LYRM1: variants seen among roughly 807,000 people sequenced by gnomAD.
The protein encoded by LYRM1 is LYR motif containing 1, also known as LYR motif-containing protein 1.
Under a neutral mutation model 14.9 loss-of-function variants are expected in LYRM1, and 14 were observed. That is an observed-to-expected ratio of 0.94 (90% confidence interval 0.62 to 1.47). The LOEUF is 1.47. Ranked by LOEUF, LYRM1 falls within the 40% of genes most tolerant of loss-of-function variation. The pLI is 0.00. For missense variants in LYRM1, 153 were observed against 149.9 expected (o/e 1.02, Z -0.11); for synonymous variants, 43 against 56.2 (o/e 0.77, Z 1.05).
rs1161355802 is a variant in LYRM1, at chr16:20,914,278, T to G, written c.1-1278T>G. ...TTTGTTTGGCCTGTACAGTCGTCAC[T>G]TTTTTTTTTTTTTTTTTTTTTCTTT... On this transcript the variant is annotated intron_variant, in intron 1 of 3. Transcript: ENST00000567954. Among the ~76,000 whole-genome samples, 119 of 17,566 alleles carry G rather than the reference T, an allele frequency of 6.8e-3. 3 individuals carry two copies. In the South Asian group the frequency reaches 0.17, roughly 25 times the overall value. 11.5% of individuals were successfully genotyped at this position (17,566 alleles called of 152,430 possible). A position where few individuals can be genotyped will look rare whatever the true frequency, so the allele number is the denominator to read the frequency against.
intron 1 of LYRM1, among the ~76,000 whole-genome samples, chr16:20,913,089 ATAATAATAAT>A (rs1414926266): frequency 6.7e-6 from 1 of 149,810 alleles, no homozygotes; most frequent in African/African-American, 2.4e-5. Context: ...AATAATAATA[ATAATAATAAT>A]TAAATAAATA....
At chr16:20,911,439 C>T (rs1393605250) in intron 1 of LYRM1, among the ~76,000 whole-genome samples, 2 of 152,160 alleles carry the variant, frequency 1.3e-5, no homozygotes, top group African/African-American at 2.4e-5. Flanking sequence ...TATGCCTTTC[C>T]CTCCATAAGT....
rs1182343852 is a variant in LYRM1 at position 20,901,505 on chromosome 16, G to A, written c.-1+616G>A. ...AGGCCACGGTTTTGCGGGGATCCGA[G>A]ACAATGGGTTTTCTGGGTGGAGAGA... On this transcript the variant is annotated intron_variant, in intron 1 of 3. Transcript: ENST00000567954. The surrounding 1 kb of genome is among the most constrained non-coding windows in gnomAD (Gnocchi z 4.6). 6.6e-6 allele frequency among the ~76,000 whole-genome samples: 1 copy of A among 152,212 alleles called. No homozygotes were observed. Among genetic ancestry groups the A allele is most frequent in the Non-Finnish European group, 1.5e-5 (1 of 68,052 alleles).
intron 1 of LYRM1, among the ~76,000 whole-genome samples, chr16:20,914,186 T>A (rs1450110772): frequency 6.6e-6 from 1 of 151,984 alleles, no homozygotes; most frequent in African/African-American, 2.4e-5. Flanking sequence ...TCCAAAAAGG[T>A]TGTGACAGAC....
At chr16:20,912,990 T>C (rs939009507) in intron 1 of LYRM1, among the ~76,000 whole-genome samples, 5 of 151,594 alleles carry the variant, frequency 3.3e-5, no homozygotes, top group Non-Finnish European at 7.4e-5. Flanking sequence ...CACTTGAACC[T>C]GGGAGGCGGA....
At chr16:20,915,760 T>TA (rs1567458527) in intron 2 of LYRM1, 46 bp downstream of exon 2, 1 of 1,587,890 alleles carries the variant, frequency 6.3e-7, no homozygotes. Context: ...AGTTGTTCCT[T>TA]ATGATATTTG....
At chr16:20,903,055 T>C (rs999798938) in intron 1 of LYRM1, among the ~76,000 whole-genome samples, 11 of 152,316 alleles carry the variant, frequency 7.2e-5, no homozygotes, top group African/African-American at 2.4e-4. Flanking sequence ...AGAGTGGCCA[T>C]GGATAAAGCT....
At chr16:20,921,024 TTA>T (rs1354887106) in intron 3 of LYRM1, among the ~76,000 whole-genome samples, 8 of 151,958 alleles carry the variant, frequency 5.3e-5, no homozygotes, top group South Asian at 2.1e-4. Context: ...GTATATAAAT[TTA>T]TGTTTTCTTA....
At position 20,918,787 on chromosome 16, in the gene LYRM1, A is replaced by G. The variant is rs566869384; in HGVS notation, c.160-1335A>G. Reference sequence around the variant, plus strand: ...TGAATCTCAGTGGGCAAATGGGAACATGGAACTCTTTTCCAACACAGACAG... The same window carrying G: ...TGAATCTCAGTGGGCAAATGGGAACGTGGAACTCTTTTCCAACACAGACAG... On this transcript the variant is annotated intron_variant, in intron 2 of 3. Transcript: ENST00000567954. 5.4e-4 allele frequency among the ~76,000 whole-genome samples: 82 copies of G among 152,340 alleles called. 1 individual carries two copies. The highest frequency in any genetic ancestry group is 1.8e-3 in the African/African-American group (74 of 41,572).
intron 1 of LYRM1, among the ~76,000 whole-genome samples, chr16:20,912,998 G>A (rs1379378400): frequency 1.3e-5 from 2 of 151,704 alleles, no homozygotes; most frequent in South Asian, 2.1e-4. Flanking sequence ...CCTGGGAGGC[G>A]GAGGTTGCAG....
chr16:20,903,152 CA>C (rs2152525411), intron 1 of LYRM1, among the ~76,000 whole-genome samples: 1 of 152,342 alleles, frequency 6.6e-6, no homozygotes, highest in South Asian at 2.1e-4. Context: ...GTTCAGCCCA[CA>C]CAGTGATTTA....
chr16:20,906,912 A>C (rs979626799), intron 1 of LYRM1, among the ~76,000 whole-genome samples: 2 of 152,100 alleles, frequency 1.3e-5, no homozygotes, highest in Non-Finnish European at 2.9e-5. Context: ...CTCTCACTGC[A>C]CTTTGGACAG....
chr16:20,923,228 G>A (rs2083286989), intron 3 of LYRM1, among the ~76,000 whole-genome samples: 2 of 152,060 alleles, frequency 1.3e-5, no homozygotes, highest in African/African-American at 4.8e-5. Context: ...GGCCAGGCAC[G>A]GTGGCTCATG....
chr16:20,906,171 CAG>C (rs1308063488), intron 1 of LYRM1, among the ~76,000 whole-genome samples: 14 of 152,274 alleles, frequency 9.2e-5, no homozygotes, highest in Admixed American at 3.3e-4. Flanking sequence ...AACATTATGA[CAG>C]GGGTATGCCA....
chr16:20,911,945 T>G, intron 1 of LYRM1, among the ~76,000 whole-genome samples: 1 of 151,950 alleles, frequency 6.6e-6, no homozygotes, highest in South Asian at 2.1e-4. Context: ...GTTTTTGAGA[T>G]GGGGTCTCAC....
chr16:20,907,561 C>T (rs976710664), intron 1 of LYRM1, among the ~76,000 whole-genome samples: 6 of 152,004 alleles, frequency 3.9e-5, no homozygotes, highest in Middle Eastern at 3.4e-3. Context: ...GGGATCTCCC[C>T]GTGTTGCCCA....
At chr16:20,912,613 A>G (rs976846279) in intron 1 of LYRM1, among the ~76,000 whole-genome samples, 1 of 152,112 alleles carries the variant, frequency 6.6e-6, no homozygotes, top group African/African-American at 2.4e-5. Context: ...CCTAATATCC[A>G]TCAGCAAAAT....
At chr16:20,919,895 G>A (rs1443865102) in intron 2 of LYRM1, among the ~76,000 whole-genome samples, 2 of 152,242 alleles carry the variant, frequency 1.3e-5, no homozygotes, top group Admixed American at 6.5e-5. Context: ...AGAGGGAAAC[G>A]TAGTTCTTAT....
chr16:20,924,036 G>A lies in LYRM1; in HGVS notation c.289G>A (p.Gly97Ser), dbSNP rs1200641330. Residue 97 changes from glycine (G) to serine (S), a missense_variant, in exon 4 of 4, where the codon GGC becomes AGC. By Grantham distance (56) the Gly-to-Ser change is moderately conservative (BLOSUM62 0). Coordinates refer to ENST00000567954, the MANE Select transcript of LYRM1 (RefSeq NM_001128302.3). ...TCCAATGGGCCTTACCCCACTCCGAGGCCGGGGACTTCGAAGCCAAGAGAA... is the reference window on the plus strand; with the variant it reads ...TCCAATGGGCCTTACCCCACTCCGAAGCCGGGGACTTCGAAGCCAAGAGAA... ...LPPMGLTPLR[G>S]RGLRSQEKLR... The A allele has an allele frequency of 6.2e-7, 1 of 1,613,394 alleles. No homozygotes were observed. The highest frequency in any genetic ancestry group is 8.5e-7 in the Non-Finnish European group (1 of 1,179,456).
Sources: allele counts gnomAD v4.1 joint callset (sites outside exome capture counted in the v4.1 genomes callset), GRCh38; gene constraint gnomAD v4.1.1; non-coding constraint Gnocchi (gnomAD v3.1); transcripts MANE v1.5; gene names NCBI Gene and HGNC (gene_info 2026-07-23, HGNC 2026-07-21).